RFX3: variants seen among roughly 807,000 people sequenced by gnomAD.
The protein encoded by RFX3 is regulatory factor X3.
Under a neutral mutation model 98.6 loss-of-function variants are expected in RFX3, and 14 were observed. The ratio of observed to expected loss-of-function variants is 0.14; its 90% CI spans 0.09 to 0.22. The LOEUF is 0.22. RFX3 is among the 10% of genes least tolerant of loss of function. The pLI is 1.00. For synonymous variants in RFX3, 383 were observed against 328.4 expected, an observed-to-expected ratio of 1.17 and a Z score of -1.80; for missense variants, 639 against 926.9, an observed-to-expected ratio of 0.69 and a Z score of 4.03.
chr9:3,425,184 C>T (rs1309238389), intron 1 of RFX3, among the ~76,000 whole-genome samples: 1 of 152,166 alleles, frequency 6.6e-6, no homozygotes, highest in Non-Finnish European at 1.5e-5. Flanking sequence ...GTTGAGTGAG[C>T]CATGATCACA....
intron 5 of RFX3, among the ~76,000 whole-genome samples, chr9:3,295,812 T>A (rs1234722532): frequency 1.3e-5 from 2 of 152,040 alleles, no homozygotes; most frequent in Non-Finnish European, 2.9e-5. Context: ...GGCATTTTTT[T>A]AAAGAAATGG....
intron 3 of RFX3, among the ~76,000 whole-genome samples, chr9:3,345,998 C>G (rs181528816): frequency 4.3e-4 from 65 of 152,260 alleles, no homozygotes; most frequent in African/African-American, 1.5e-3. Context: ...AGGAAGCCAA[C>G]AGGTTGCAAA....
intron 2 of RFX3, among the ~76,000 whole-genome samples, chr9:3,387,469 G>T (rs1240471145): frequency 1.3e-5 from 2 of 152,020 alleles, no homozygotes; most frequent in Non-Finnish European, 2.9e-5. Context: ...AGTAGAGATG[G>T]TCAACAAAAG....
chr9:3,304,166 C>T (rs560526009), intron 4 of RFX3, among the ~76,000 whole-genome samples: 32 of 151,996 alleles, frequency 2.1e-4, no homozygotes, highest in African/African-American at 7.2e-4. Context: ...AATGGGATAA[C>T]CAGGCCATTT....
intron 5 of RFX3, 116 bp from the exon 6 acceptor site, chr9:3,293,374 ATAGAG>A: frequency 1.4e-6 from 1 of 725,448 alleles, no homozygotes; most frequent in Non-Finnish European, 2.2e-6. Flanking sequence ...AAGTCTTATG[ATAGAG>A]TAAACTGCTA....
intron 14 of RFX3, among the ~76,000 whole-genome samples, chr9:3,250,719 C>A (rs767430431): frequency 6.6e-6 from 1 of 151,738 alleles, no homozygotes; most frequent in Non-Finnish European, 1.5e-5. Context: ...GCTGATTAAA[C>A]AAGTTATGGC....
chr9:3,450,533 T>C (rs955888605), intron 1 of RFX3, among the ~76,000 whole-genome samples: 17 of 152,196 alleles, frequency 1.1e-4, no homozygotes, highest in Non-Finnish European at 2.5e-4. Context: ...CTTAGATGTC[T>C]GAAGGTGGAA....
chr9:3,405,144 T>C (rs780160408), intron 1 of RFX3, among the ~76,000 whole-genome samples: 5 of 152,162 alleles, frequency 3.3e-5, no homozygotes, highest in Non-Finnish European at 7.4e-5. Flanking sequence ...GTTTTCTTCC[T>C]ACCTGTCTGG....
intron 1 of RFX3, among the ~76,000 whole-genome samples, chr9:3,440,956 G>C (rs891775895): frequency 2.0e-5 from 3 of 152,144 alleles, no homozygotes; most frequent in Admixed American, 6.5e-5. Flanking sequence ...CAATTGTCAA[G>C]AAAGATGCAA....
At chr9:3,254,021 T>G (rs1299085831) in intron 14 of RFX3, among the ~76,000 whole-genome samples, 5 of 152,136 alleles carry the variant, frequency 3.3e-5, no homozygotes, top group African/African-American at 9.7e-5. Context: ...TCTGGGGCCC[T>G]GAACTGTAGG....
At chr9:3,351,965 CA>C (rs1254057693) in intron 2 of RFX3, among the ~76,000 whole-genome samples, 1 of 150,882 alleles carries the variant, frequency 6.6e-6, no homozygotes, top group African/African-American at 2.4e-5. Flanking sequence ...AGTTGCTGTA[CA>C]AAAAAATTTC....
chr9:3,524,391 T>C (rs1819007409), intron 1 of RFX3: 1 of 409,080 alleles, frequency 2.4e-6, no homozygotes, highest in South Asian at 1.0e-4. Flanking sequence ...CAAGTCACTG[T>C]CCAAAGAAAA....
chr9:3,424,922 GC>G (rs1476373041), intron 1 of RFX3, among the ~76,000 whole-genome samples: 3 of 152,110 alleles, frequency 2.0e-5, no homozygotes, highest in Non-Finnish European at 4.4e-5. Flanking sequence ...AGAGTAGGAT[GC>G]CTTAATAAGA....
chr9:3,272,601 ATCT>A (rs1454231841), intron 9 of RFX3, among the ~76,000 whole-genome samples: 1 of 152,152 alleles, frequency 6.6e-6, no homozygotes, highest in Admixed American at 6.6e-5. Flanking sequence ...AAAGATCAAA[ATCT>A]TCTCCAGCAG....
chr9:3,236,487 T>C (rs1819169322), intron 15 of RFX3, among the ~76,000 whole-genome samples: 1 of 152,212 alleles, frequency 6.6e-6, no homozygotes, highest in Non-Finnish European at 1.5e-5. Flanking sequence ...CTCTGGACAG[T>C]TTCATGAGCA....
chr9:3,368,332 AT>A (rs1454558125), intron 2 of RFX3, among the ~76,000 whole-genome samples: 3 of 152,312 alleles, frequency 2.0e-5, no homozygotes, highest in Non-Finnish European at 4.4e-5. Flanking sequence ...TTTCTATTCT[AT>A]CTGAATCCTT....
At chr9:3,507,786 T>G (rs1207485771) in intron 1 of RFX3, among the ~76,000 whole-genome samples, 1 of 152,000 alleles carries the variant, frequency 6.6e-6, no homozygotes, top group Non-Finnish European at 1.5e-5. Flanking sequence ...GTATTTACTT[T>G]TTTTATTGTT....
rs549786458 is a variant in RFX3 at position 3,434,885 on chromosome 9, A to G, written c.-8-39289T>C. On this transcript the variant is annotated intron_variant, in intron 1 of 16. Coordinates refer to ENST00000617270, the MANE Select transcript of RFX3 (RefSeq NM_001282116.2). Reference sequence around the variant, plus strand: ...TACACAAACCTAGATGGTACAGCCTATTATACACCTAGGCTATATGCTATA... The same window carrying G: ...TACACAAACCTAGATGGTACAGCCTGTTATACACCTAGGCTATATGCTATA... Among the ~76,000 whole-genome samples, 8 of 152,252 alleles carry G rather than the reference A, an allele frequency of 5.3e-5. No individual in the cohort carries two copies. In the East Asian group the frequency reaches 1.5e-3, roughly 29 times the overall value.
In RFX3 at chr9:3,464,477, T is replaced by C. The variant is rs371897639; in HGVS notation, c.-9+61270A>G. Among the ~76,000 whole-genome samples the C allele has an allele frequency of 2.4e-4, 36 of 152,296 alleles. 2 individuals are homozygous for C. The South Asian group carries it at 7.5e-3, about 32-fold the overall frequency. On this transcript the variant is annotated intron_variant, in intron 1 of 16. Coordinates refer to ENST00000617270, the MANE Select transcript of RFX3 (RefSeq NM_001282116.2). ...GCAATAAAAAGGAACAAACTGCTGA[T>C]ACATATACAGCTAAAATCTAAAAGA...
Sources: gnomAD v4.1 joint callset for allele counts (sites outside exome capture counted in the v4.1 genomes callset) on GRCh38, gnomAD v4.1.1 for gene constraint, MANE v1.5 for transcripts, NCBI Gene and HGNC (gene_info 2026-07-23, HGNC 2026-07-21) for gene names.